The following ARHGAP26 variants were observed in gnomAD, a reference collection of about 807,000 sequenced individuals.
The protein encoded by ARHGAP26 is Rho GTPase activating protein 26, also known as rho GTPase-activating protein 26.
In ARHGAP26, 38 loss-of-function variants were observed where a neutral mutation model predicts 104.8. The ratio of observed to expected loss-of-function variants is 0.36; its 90% CI spans 0.28 to 0.48. The LOEUF (loss-of-function observed/expected upper bound fraction) is 0.48, where lower values mean the gene tolerates loss of function less well. ARHGAP26 is among the 20% of genes least tolerant of loss of function. ARHGAP26 has a pLI of 0.99. For missense variants in ARHGAP26, 704 were observed against 947.9 expected (o/e 0.74, Z 3.38); for synonymous variants, 341 against 340.0 (o/e 1.00, Z -0.03).
At chr5:142,918,485 T>C (rs1385093183) in intron 10 of ARHGAP26, among the ~76,000 whole-genome samples, 1 of 152,248 alleles carries the variant, frequency 6.6e-6, no homozygotes, top group Non-Finnish European at 1.5e-5. Flanking sequence ...TCTAGAAATC[T>C]ACTTTTAATT....
Position 143,222,384 on chromosome 5 carries a change from T to A in ARHGAP26, c.2218T>A (p.Leu740Met). 6.2e-7 allele frequency: 1 copy of A among 1,605,598 alleles called. No individual in the cohort carries two copies. The highest frequency in any genetic ancestry group is 8.5e-7 in the Non-Finnish European group (1 of 1,174,220). ...TCACCCATCTCAGGAGCCTGGCTGG[T>A]TGGAGGGGACTCTGAACGGAAAGAC... ...NVHPSQEPGWLEGTLNGKTGL... is the reference protein window; with the variant it reads ...NVHPSQEPGWMEGTLNGKTGL... The change falls in exon 23 of 23, where the codon TTG (leucine) becomes ATG (methionine). Residue 740 changes from leucine to methionine, a missense_variant. Coordinates refer to ENST00000645722, the MANE Select transcript of ARHGAP26 (RefSeq NM_001135608.3).
intron 11 of ARHGAP26, chr5:142,947,212 G>C (rs1346228880): frequency 6.6e-6 from 1 of 150,604 alleles, no homozygotes; most frequent in African/African-American, 2.4e-5. Flanking sequence ...TTGCTAGTTA[G>C]TTTTCACTAT....
intron 20 of ARHGAP26, among the ~76,000 whole-genome samples, chr5:143,188,492 C>G (rs566854691): frequency 6.6e-6 from 1 of 152,294 alleles, no homozygotes; most frequent in South Asian, 2.1e-4. Flanking sequence ...AGTCTCCCTT[C>G]CTTCCTATAG....
chr5:143,068,532 C>T (rs1787832398), intron 17 of ARHGAP26, among the ~76,000 whole-genome samples: 1 of 152,224 alleles, frequency 6.6e-6, no homozygotes, highest in Admixed American at 6.5e-5. Flanking sequence ...CCCGTTGGAT[C>T]TGTAAGGACT....
At chr5:142,781,058 C>G (rs1402872727) in intron 1 of ARHGAP26, among the ~76,000 whole-genome samples, 1 of 152,220 alleles carries the variant, frequency 6.6e-6, no homozygotes, top group African/African-American at 2.4e-5. Context: ...CTCCTAGATG[C>G]TCACTGTTTT....
At chr5:142,967,719 T>C (rs965905583) in intron 11 of ARHGAP26, among the ~76,000 whole-genome samples, 9 of 152,060 alleles carry the variant, frequency 5.9e-5, no homozygotes, top group African/African-American at 2.4e-5. Context: ...CAGAAGCATT[T>C]AGTTGGGTAA....
At position 142,873,486 on chromosome 5, in the gene ARHGAP26, A is replaced by G. The variant is rs922352544; in HGVS notation, c.241A>G (p.Met81Val). The G allele has an allele frequency of 3.8e-6, 6 of 1,591,368 alleles. No individual in the cohort carries two copies. Among genetic ancestry groups the G allele is most frequent in the Non-Finnish European group, 3.4e-6 (4 of 1,172,084 alleles). Reference protein sequence around the residue: ...CIGDAETDDEMCIARSLQEFA... With the variant: ...CIGDAETDDEVCIARSLQEFA... The stretch of plus-strand genomic sequence containing the variant: ...AGGAGATGCAGAAACAGATGATGAG[A>G]TGTGTATAGGTAAGTCATAACTGTG... Residue 81 changes from methionine (M) to valine (V), a missense_variant, in exon 2 of 23, where the codon ATG becomes GTG. By Grantham distance (21) the Met-to-Val change is conservative. This residue lies in a region of ARHGAP26 where 106 missense variants were observed against 120.5 expected (regional missense o/e 0.88). Coordinates refer to ENST00000645722, the MANE Select transcript of ARHGAP26 (RefSeq NM_001135608.3).
intron 3 of ARHGAP26, 128 bp from the exon 4 acceptor site, chr5:142,879,246 C>G: frequency 1.2e-6 from 1 of 813,636 alleles, no homozygotes; most frequent in Non-Finnish European, 2.2e-6. Flanking sequence ...AAACAGTTGA[C>G]ATGTACAACA....
intron 1 of ARHGAP26, among the ~76,000 whole-genome samples, chr5:142,858,096 A>T (rs12513442): frequency 0.16 from 17,410 of 106,548 alleles, 1,828 homozygotes; most frequent in African/African-American, 0.4. Flanking sequence ...TGTGTGTGTG[A>T]GAGAGAGAGA....
intron 5 of ARHGAP26, among the ~76,000 whole-genome samples, chr5:142,889,671 T>C (rs1412927805): frequency 6.6e-6 from 1 of 152,054 alleles, no homozygotes; most frequent in East Asian, 1.9e-4. Flanking sequence ...GATTTCCTGG[T>C]AACCTATTTA....
At chr5:142,912,957 G>A (rs944462889) in intron 9 of ARHGAP26, among the ~76,000 whole-genome samples, 14 of 152,134 alleles carry the variant, frequency 9.2e-5, no homozygotes, top group African/African-American at 4.8e-5. Context: ...GGACAGATGC[G>A]GTGCCATCAT....
At chr5:142,875,743 T>A (rs1755990307) in intron 3 of ARHGAP26, among the ~76,000 whole-genome samples, 1 of 152,160 alleles carries the variant, frequency 6.6e-6, no homozygotes, top group South Asian at 2.1e-4. Context: ...GTACTAGAAT[T>A]TATTGTTCTG....
intron 1 of ARHGAP26, among the ~76,000 whole-genome samples, chr5:142,771,742 A>T (rs1204201632): frequency 6.6e-6 from 1 of 152,250 alleles, no homozygotes; most frequent in Admixed American, 6.5e-5. Flanking sequence ...AACGTATTTC[A>T]AAGATTCTTG....
At chr5:142,904,761 TCTC>T (rs1357109334) in intron 8 of ARHGAP26, among the ~76,000 whole-genome samples, 3 of 152,196 alleles carry the variant, frequency 2.0e-5, no homozygotes, top group African/African-American at 7.2e-5. Flanking sequence ...GGGTAATTCT[TCTC>T]CTAGTCCTTT....
intron 5 of ARHGAP26, among the ~76,000 whole-genome samples, chr5:142,887,119 T>C (rs1757822517): frequency 6.6e-6 from 1 of 152,210 alleles, no homozygotes; most frequent in African/African-American, 2.4e-5. Flanking sequence ...AGGCATGGCA[T>C]TCTCTGGAAC....
intron 20 of ARHGAP26, among the ~76,000 whole-genome samples, chr5:143,163,488 T>C (rs1298871014): frequency 6.6e-6 from 1 of 151,990 alleles, no homozygotes; most frequent in Non-Finnish European, 1.5e-5. Context: ...TCTTGCTCTG[T>C]TGCCCAGGCT....
intron 11 of ARHGAP26, among the ~76,000 whole-genome samples, chr5:142,985,292 G>T (rs1218544989): frequency 6.6e-6 from 1 of 152,150 alleles, no homozygotes; most frequent in Non-Finnish European, 1.5e-5. Context: ...AGGTTGTAAA[G>T]TTACAGTAAA....
chr5:142,875,298 A>G lies in ARHGAP26; in HGVS notation c.312+127A>G, dbSNP rs545142202. 7.7e-6 allele frequency: 7 copies of G among 904,282 alleles called. No individual in the cohort carries two copies. The Admixed American group carries it at 1.4e-4, about 19-fold the overall frequency. The allele number at this position is 904,282 out of a possible 1,614,324, so 56.0% of individuals were successfully genotyped here. On this transcript the variant is annotated intron_variant, in intron 3 of 22. Transcript: ENST00000645722. ...TTTGAATGTTTTGAGCTCTTCAGCAAGCCTCATCTTTGTAGAGTTTGAAGG... is the reference window on the plus strand; with the variant it reads ...TTTGAATGTTTTGAGCTCTTCAGCAGGCCTCATCTTTGTAGAGTTTGAAGG...
At chr5:143,215,458 C>T (rs766282596) in intron 22 of ARHGAP26, among the ~76,000 whole-genome samples, 197 of 152,156 alleles carry the variant, frequency 1.3e-3, no homozygotes, top group Non-Finnish European at 2.5e-3. Flanking sequence ...CATTTTTTAA[C>T]GGTTTATTAA....
Sources: gnomAD v4.1 joint callset for allele counts (sites outside exome capture counted in the v4.1 genomes callset) on GRCh38, gnomAD v4.1.1 for gene constraint, gnomAD v4.1.1 regional missense constraint, MANE v1.5 for transcripts, NCBI Gene and HGNC (gene_info 2026-07-23, HGNC 2026-07-21) for gene names.